CNGA2: variants seen among roughly 807,000 people sequenced by gnomAD.
CNGA2 encodes the protein cyclic nucleotide gated channel subunit alpha 2.
In CNGA2, 22 loss-of-function variants were observed where a neutral mutation model predicts 35.9. That is an observed-to-expected ratio of 0.61 (90% CI 0.44 to 0.88). CNGA2 has a LOEUF of 0.88. Among genes scored for constraint, CNGA2 ranks in the 40% least tolerant of loss-of-function variants. The pLI is 0.00. For missense variants in CNGA2, 555 were observed against 530.8 expected (o/e 1.05, Z -0.45); for synonymous variants, 217 against 209.2 (o/e 1.04, Z -0.32).
intron 4 of CNGA2, 79 bp downstream of exon 4, chrX:151,739,811 G>A (rs1238680095): frequency 1.9e-6 from 2 of 1,064,438 alleles, no homozygotes. Flanking sequence ...CTATGCTACT[G>A]CTAGGGGCTA....
Position 151,738,517 on chromosome X carries a change from C to G in CNGA2, c.34C>G (p.Pro12Ala). The G allele has an allele frequency of 8.3e-7, 1 of 1,211,454 alleles. No homozygotes were observed. Among genetic ancestry groups the G allele is most frequent in the East Asian group, 3.0e-5 (1 of 33,792 alleles). ...TEKTNGVKSS[P>A]ANNHNHHAPP... Reference sequence around the variant, plus strand: ...AAAAACCAATGGTGTGAAGAGCTCCCCAGCCAATAATCACAACCATCATGC... The same window carrying G: ...AAAAACCAATGGTGTGAAGAGCTCCGCAGCCAATAATCACAACCATCATGC... Residue 12 changes from proline to alanine, a missense_variant, in exon 2 of 7, where the codon CCA (proline) becomes GCA (alanine). Pro to Ala is a conservative substitution (Grantham distance 27). Transcript: ENST00000329903.
Position 151,744,574 on chromosome X carries a change from C to A in CNGA2, c.*76C>A. ...AAGCTAGAGGAGCTATTTAGATCTC[C>A]GGATTTACATGCATTACCCTCATGT... On this transcript the variant is annotated 3_prime_UTR_variant, in exon 7 of 7. Coordinates refer to ENST00000329903, the MANE Select transcript of CNGA2 (RefSeq NM_005140.3). 3 of 874,361 alleles carry A rather than the reference C, an allele frequency of 3.4e-6. No homozygotes were observed. Among genetic ancestry groups the A allele is most frequent in the Non-Finnish European group, 3.2e-6 (2 of 629,258 alleles). 72.1% of individuals were successfully genotyped at this position (874,361 alleles called of 1,213,427 possible).
chrX:151,742,927 T>TATATATATATATATATACACACATAC lies in CNGA2; in HGVS notation c.590-152_590-151insATACACACATACATATATATATATAT, dbSNP rs746065892. Among the ~76,000 whole-genome samples, 3 of 78,484 alleles carry TATATATATATATATATACACACATAC rather than the reference T, an allele frequency of 3.8e-5. 1 individual carries two copies. Among genetic ancestry groups the TATATATATATATATATACACACATAC allele is most frequent in the African/African-American group, 1.8e-4 (3 of 16,597 alleles). 68.2% of individuals were successfully genotyped at this position (78,484 alleles called of 115,157 possible). On this transcript the variant is annotated intron_variant, in intron 6 of 6. Coordinates refer to ENST00000329903, the MANE Select transcript of CNGA2 (RefSeq NM_005140.3). ...AGAGATATTAGCCTATAGGGAAGGA[T>TATATATATATATATATACACACATAC]ATATATATATATATGTATATGTATA... is the stretch of plus-strand genomic sequence containing the variant.
intron 5 of CNGA2, among the ~76,000 whole-genome samples, chrX:151,741,488 T>C (rs2015304758): frequency 8.9e-6 from 1 of 112,356 alleles, no homozygotes. Context: ...AGGATTTGAC[T>C]GAGCACCTCA....
intron 1 of CNGA2, among the ~76,000 whole-genome samples, chrX:151,736,135 C>T (rs1299703517): frequency 5.4e-5 from 6 of 112,006 alleles, no homozygotes; most frequent in Non-Finnish European, 1.1e-4. Context: ...CTCACCCAGC[C>T]CCTCAGCTGT....
At chrX:151,741,041 C>T (rs1398105975) in intron 5 of CNGA2, 140 bp downstream of exon 5, 1 of 479,486 alleles carries the variant, frequency 2.1e-6, no homozygotes, top group Non-Finnish European at 3.7e-6. Flanking sequence ...TTTAATATGC[C>T]ATGAAGATTT....
chrX:151,740,811 T>C lies in CNGA2; in HGVS notation c.392T>C (p.Phe131Ser), dbSNP rs764964759. 4 of 1,208,974 alleles carry C rather than the reference T, an allele frequency of 3.3e-6. No homozygotes were observed. The highest frequency in any genetic ancestry group is 4.5e-6 in the Non-Finnish European group (4 of 893,091). The change falls in exon 5 of 7, where the codon TTT (phenylalanine) becomes TCT (serine). Residue 131 changes from phenylalanine (F) to serine (S), a missense_variant. Transcript: ENST00000329903. ...CTTCTCAGGAAGAAATTTGAACTAT[T>C]TGTCTTGGACCCAGCTGGGGATTGG... is the stretch of plus-strand genomic sequence containing the variant. ...DKGTKKKFELFVLDPAGDWYY... is the reference protein window; with the variant it reads ...DKGTKKKFELSVLDPAGDWYY...
chrX:151,739,729 C>A lies in CNGA2; in HGVS notation c.371C>A (p.Thr124Asn), dbSNP rs749521661. 3 of 1,210,517 alleles carry A rather than the reference C, an allele frequency of 2.5e-6. No homozygotes were observed. The highest frequency in any genetic ancestry group is 3.4e-6 in the Non-Finnish European group (3 of 894,831). ...GACAAGGATGGCGAGGACAAAGGCA[C>A]CAAGTACAGCTGTTCAGCCTATGGG... ...KGDKDGEDKG[T>N]KKKFELFVLD... Residue 124 changes from threonine (T) to asparagine (N), a missense_variant, in exon 4 of 7, where the codon ACC becomes AAC. Physicochemically the swap from Thr to Asn is moderately conservative, Grantham distance 65. Coordinates refer to ENST00000329903, the MANE Select transcript of CNGA2 (RefSeq NM_005140.3).
chrX:151,739,030 C>T, intron 3 of CNGA2, 151 bp downstream of exon 3: 1 of 473,134 alleles, frequency 2.1e-6, no homozygotes, highest in Non-Finnish European at 3.5e-6. Context: ...TAATTCCGTC[C>T]TCCTGAGGTC....
intron 6 of CNGA2, 49 bp downstream of exon 6, chrX:151,742,691 T>G: frequency 2.0e-6 from 2 of 996,245 alleles, no homozygotes; most frequent in Non-Finnish European, 2.8e-6. Flanking sequence ...TGAGTCCAAA[T>G]TTTTAGGAAG....
intron 5 of CNGA2, 29 bp from the exon 6 acceptor site, chrX:151,742,507 G>A (rs1461559326): frequency 1.8e-6 from 2 of 1,139,087 alleles, no homozygotes; most frequent in East Asian, 3.0e-5. Flanking sequence ...CTGGCTTTGG[G>A]GGTGAAGCTT....
At chrX:151,737,430 C>T (rs1022298616) in intron 1 of CNGA2, among the ~76,000 whole-genome samples, 1 of 112,031 alleles carries the variant, frequency 8.9e-6, no homozygotes, top group Non-Finnish European at 1.9e-5. Context: ...CAACTCTGCC[C>T]CAGACCCTCA....
intron 1 of CNGA2, among the ~76,000 whole-genome samples, chrX:151,735,283 C>T (rs1194888124): frequency 1.8e-5 from 2 of 112,086 alleles, no homozygotes; most frequent in Non-Finnish European, 3.8e-5. Flanking sequence ...TGTTGCCCAT[C>T]TCTGTTCTCT....
rs1569428614 is a variant in CNGA2, at chrX:151,743,747, AC to A, written c.1245del (p.Leu416CysfsTer25). 1 of 1,211,783 alleles carries A rather than the reference AC, an allele frequency of 8.3e-7. No individual in the cohort carries two copies. On this transcript the variant is annotated frameshift_variant, in exon 7 of 7. Transcript: ENST00000329903. LOFTEE classifies it high-confidence loss of function. ...MEAKVIRWFD[Y>X]LWTNKKTVDE... ...GCCAAGGTCATTAGGTGGTTTGACTACTTGTGGACCAATAAGAAGACAGTGG... is the reference window on the plus strand; with the variant it reads ...GCCAAGGTCATTAGGTGGTTTGACTATTGTGGACCAATAAGAAGACAGTGG...
chrX:151,743,804 C>G lies in CNGA2; in HGVS notation c.1301C>G (p.Ala434Gly), dbSNP rs1314997244. 6 of 1,209,775 alleles carry G rather than the reference C, an allele frequency of 5.0e-6. No homozygotes were observed. The highest frequency in any genetic ancestry group is 2.2e-5 in the Admixed American group (1 of 45,737). ...CGAGAAATTCTCAAGAATCTGCCAGCCAAGCTCAGGGCTGAGATAGCCATC... is the reference window on the plus strand; with the variant it reads ...CGAGAAATTCTCAAGAATCTGCCAGGCAAGCTCAGGGCTGAGATAGCCATC... ...DEREILKNLP[A>G]KLRAEIAINV... The change falls in exon 7 of 7, where the codon GCC becomes GGC. Residue 434 changes from alanine to glycine, a missense_variant. Physicochemically the swap from Ala to Gly is moderately conservative, Grantham distance 60. Coordinates refer to ENST00000329903, the MANE Select transcript of CNGA2 (RefSeq NM_005140.3).
intron 5 of CNGA2, among the ~76,000 whole-genome samples, chrX:151,741,669 TGAG>T (rs768983885): frequency 8.9e-6 from 1 of 112,491 alleles, no homozygotes; most frequent in Admixed American, 9.4e-5. Context: ...TCAGCGTCTC[TGAG>T]GAGGTGATGC....
At chrX:151,742,695 T>C in intron 6 of CNGA2, 53 bp downstream of exon 6, 4 of 965,297 alleles carry the variant, frequency 4.1e-6, no homozygotes, top group Non-Finnish European at 5.9e-6. Flanking sequence ...TCCAAATTTT[T>C]AGGAAGCCCA....
In CNGA2 at chrX:151,744,186, T is replaced by G. The variant is rs201110546; in HGVS notation, c.1683T>G (p.Thr561=). 6.2e-5 allele frequency: 75 copies of G among 1,207,941 alleles called. No homozygotes were observed. The highest frequency in any genetic ancestry group is 4.6e-4 in the Middle Eastern group (2 of 4,375). The change falls in exon 7 of 7, where the codon ACT becomes ACG. Residue 561 remains threonine (T), a synonymous_variant. Transcript: ENST00000329903. Reference sequence around the variant, plus strand: ...AGGATGATCTTATGGAAGCTGTGACTGAGTACCCTGATGCCAAGAAAGTCC... The same window carrying G: ...AGGATGATCTTATGGAAGCTGTGACGGAGTACCCTGATGCCAAGAAAGTCC... ...LSKDDLMEAV[T]EYPDAKKVLE...
rs2015344289 is a variant in CNGA2 at position 151,743,873 on chromosome X, A to G, written c.1370A>G (p.Asp457Gly). The G allele has an allele frequency of 1.7e-6, 2 of 1,211,482 alleles. No individual in the cohort carries two copies. The highest frequency in any genetic ancestry group is 5.9e-5 in the East Asian group (2 of 33,806). The change falls in exon 7 of 7, where the codon GAT (aspartate) becomes GGT (glycine). Residue 457 changes from aspartate (D) to glycine (G), a missense_variant. Coordinates refer to ENST00000329903, the MANE Select transcript of CNGA2 (RefSeq NM_005140.3). The part of the protein sequence containing the change: ...STLKKVRIFH[D>G]CEAGLLVELV... ...CTCAAGAAAGTGCGCATCTTCCATG[A>G]TTGTGAGGCTGGCCTGCTGGTAGAG...
Sources: gnomAD v4.1 joint callset for allele counts (sites outside exome capture counted in the v4.1 genomes callset) on GRCh38, gnomAD v4.1.1 for gene constraint, MANE v1.5 for transcripts, NCBI Gene and HGNC (gene_info 2026-07-23, HGNC 2026-07-21) for gene names.